Variants in PCDH7 observed in about 807,000 individuals in gnomAD.
PCDH7 encodes protocadherin-7.
PCDH7 carries 17 observed loss-of-function variants against 58.9 expected under a neutral mutation model. The observed-to-expected ratio is 0.29, with a 90% CI of 0.20 to 0.43. PCDH7 has a LOEUF of 0.43. PCDH7 is among the 20% of genes least tolerant of loss of function. PCDH7 has a pLI of 1.00. For missense variants in PCDH7, 1,274 were observed against 1,441.0 expected (o/e 0.88, Z 1.88); for synonymous variants, 664 against 616.4 (o/e 1.08, Z -1.14).
intron 3 of PCDH7, among the ~76,000 whole-genome samples, chr4:31,064,479 T>A (rs1158453189): frequency 1.3e-5 from 2 of 151,960 alleles, no homozygotes; most frequent in Non-Finnish European, 2.9e-5. Flanking sequence ...AACAGAAGTT[T>A]ATTCTTTCAC....
chr4:31,142,641 A>T (rs1473655348), exon 4 of PCDH7: 18 of 1,367,802 alleles, frequency 1.3e-5, no homozygotes, highest in Non-Finnish European at 1.7e-5. Context: ...GGAAGCCAGG[A>T]AAAGCTGGCC....
chr4:31,099,167 G>A (rs995669570), intron 3 of PCDH7, among the ~76,000 whole-genome samples: 3 of 152,158 alleles, frequency 2.0e-5, no homozygotes, highest in Admixed American at 1.3e-4. Flanking sequence ...AATACAATCT[G>A]GCTAACACTG....
chr4:30,945,734 A>C (rs1419224275), intron 2 of PCDH7, among the ~76,000 whole-genome samples: 1 of 152,126 alleles, frequency 6.6e-6, no homozygotes, highest in Non-Finnish European at 1.5e-5. Context: ...GAAATCAGGC[A>C]CTAGCATATC....
At chr4:30,982,144 A>G (rs1395624170) in intron 3 of PCDH7, among the ~76,000 whole-genome samples, 1 of 152,238 alleles carries the variant, frequency 6.6e-6, no homozygotes, top group African/African-American at 2.4e-5. Flanking sequence ...TACTATGTGT[A>G]CGTATTTCAA....
At chr4:31,124,035 G>A (rs772716099) in intron 3 of PCDH7, among the ~76,000 whole-genome samples, 8 of 152,072 alleles carry the variant, frequency 5.3e-5, no homozygotes, top group Non-Finnish European at 8.8e-5. Context: ...TGGAGCTTGG[G>A]GTTTTTATGG....
intron 1 of PCDH7, among the ~76,000 whole-genome samples, chr4:30,866,665 A>T (rs1435347949): frequency 2.0e-5 from 3 of 152,012 alleles, no homozygotes. Context: ...TGGCCATAAA[A>T]GGAAAATTCT....
At chr4:30,839,559 T>C (rs1730948831) in intron 1 of PCDH7, among the ~76,000 whole-genome samples, 1 of 152,114 alleles carries the variant, frequency 6.6e-6, no homozygotes, top group Non-Finnish European at 1.5e-5. Flanking sequence ...GAACCTGTGA[T>C]GAGAGAAATG....
At chr4:31,079,462 A>C (rs1759316113) in intron 3 of PCDH7, among the ~76,000 whole-genome samples, 1 of 150,340 alleles carries the variant, frequency 6.7e-6, no homozygotes, top group African/African-American at 2.4e-5. Context: ...TCTAGTAACC[A>C]AGAAAGGTTG....
At chr4:30,824,113 T>C (rs1728759364) in intron 1 of PCDH7, among the ~76,000 whole-genome samples, 1 of 142,752 alleles carries the variant, frequency 7.0e-6, no homozygotes, top group African/African-American at 2.6e-5. Flanking sequence ...CTTTCTTTCT[T>C]TCTTTCTTTC....
chr4:30,956,360 T>G (rs1413672583), intron 3 of PCDH7, among the ~76,000 whole-genome samples: 2 of 152,218 alleles, frequency 1.3e-5, no homozygotes, highest in African/African-American at 4.8e-5. Context: ...AATTGATGAT[T>G]TAGAATTTTA....
intron 1 of PCDH7, among the ~76,000 whole-genome samples, chr4:30,909,893 G>T (rs1256565724): frequency 1.3e-5 from 2 of 152,134 alleles, no homozygotes; most frequent in African/African-American, 4.8e-5. Flanking sequence ...AAAGAACAAA[G>T]ATGGAGGCAT....
intron 3 of PCDH7, among the ~76,000 whole-genome samples, chr4:30,950,611 A>G (rs1468588981): frequency 6.6e-6 from 1 of 152,202 alleles, no homozygotes; most frequent in Non-Finnish European, 1.5e-5. Flanking sequence ...AAAATTTAAT[A>G]GCATTTGCAT....
intron 3 of PCDH7, among the ~76,000 whole-genome samples, chr4:31,095,472 T>C (rs749619068): frequency 3.9e-5 from 6 of 152,218 alleles, no homozygotes; most frequent in Admixed American, 6.5e-5. Context: ...ATCAGACATC[T>C]GTACTTGTTC....
At chr4:30,937,149 G>A (rs1745457164) in intron 2 of PCDH7, among the ~76,000 whole-genome samples, 1 of 151,988 alleles carries the variant, frequency 6.6e-6, no homozygotes, top group Non-Finnish European at 1.5e-5. Context: ...AAACCATTCA[G>A]TAAAGTAAGC....
rs138430298 is a variant in PCDH7, at chr4:30,723,114, C to A, written c.1692C>A (p.Ser564Arg). Reference sequence around the variant, plus strand: ...CGGTGCTGGCGACAGACGCAGACAGCGGTAAGAACGCCGAGATCGCCTACT... The same window carrying A: ...CGGTGCTGGCGACAGACGCAGACAGAGGTAAGAACGCCGAGATCGCCTACT... The change falls in exon 1 of 2, where the codon AGC becomes AGA. Residue 564 changes from serine to arginine, a missense_variant. Physicochemically the swap from Ser to Arg is moderately radical, Grantham distance 110. Transcript: ENST00000361762. This position sits in a 1 kb window ranked among gnomAD's most constrained non-coding sequence, Gnocchi z 4.6. 26 of 1,613,872 alleles carry A rather than the reference C, an allele frequency of 1.6e-5. No individual in the cohort carries two copies. Among genetic ancestry groups the A allele is most frequent in the African/African-American group, 4.0e-5 (3 of 74,922 alleles).
At chr4:30,963,604 A>G (rs768877192) in intron 3 of PCDH7, among the ~76,000 whole-genome samples, 4 of 152,220 alleles carry the variant, frequency 2.6e-5, no homozygotes, top group Admixed American at 6.5e-5. Context: ...TCTTATTACA[A>G]TGCAAATGGT....
At chr4:30,831,802 A>G (rs1729823387) in intron 1 of PCDH7, among the ~76,000 whole-genome samples, 1 of 152,092 alleles carries the variant, frequency 6.6e-6, no homozygotes, top group African/African-American at 2.4e-5. Flanking sequence ...CTTTTCATAG[A>G]GTTATTATTG....
intron 1 of PCDH7, among the ~76,000 whole-genome samples, chr4:30,839,258 G>A (rs1047060543): frequency 6.6e-6 from 1 of 151,970 alleles, no homozygotes; most frequent in African/African-American, 2.4e-5. Flanking sequence ...CATTAGTAGA[G>A]ATAATATAGC....
chr4:31,011,131 G>T (rs1464569738), intron 3 of PCDH7, among the ~76,000 whole-genome samples: 1 of 151,910 alleles, frequency 6.6e-6, no homozygotes, highest in East Asian at 1.9e-4. Flanking sequence ...GTAAATAGCA[G>T]ACAGTAGGTT....
Sources: allele counts gnomAD v4.1 joint callset (sites outside exome capture counted in the v4.1 genomes callset), GRCh38; gene constraint gnomAD v4.1.1; non-coding constraint Gnocchi (gnomAD v3.1); transcripts MANE v1.5; gene names NCBI Gene and HGNC (gene_info 2026-07-23, HGNC 2026-07-21).